The following MON2 variants were observed in gnomAD, a reference collection of about 807,000 sequenced individuals.
MON2 encodes the protein MON2 regulator of endosome-to-Golgi trafficking.
A neutral mutation model predicts 208.6 loss-of-function variants in MON2; 84 were observed. The observed-to-expected ratio is 0.40, with a 90% confidence interval of 0.34 to 0.48. The LOEUF (loss-of-function observed/expected upper bound fraction) is 0.48, where lower values mean the gene tolerates loss of function less well. Ranked by LOEUF, MON2 falls within the 20% of genes least tolerant of loss-of-function variation. The probability of loss-of-function intolerance (pLI) is 0.59; values close to 1 mark genes in which losing one functional copy is unlikely to be tolerated. For synonymous variants in MON2, 660 were observed against 694.0 expected (o/e 0.95, Z 0.77); for missense variants, 1,611 against 2,015.4 (o/e 0.80, Z 3.84).
intron 19 of MON2, among the ~76,000 whole-genome samples, chr12:62,538,907 A>T: frequency 6.6e-6 from 1 of 152,166 alleles, no homozygotes; most frequent in Non-Finnish European, 1.5e-5. Context: ...GATGGAAAGT[A>T]AGGAGCTAAT....
At chr12:62,482,226 T>C (rs1241584670) in intron 1 of MON2, 2 of 152,244 alleles carry the variant, frequency 1.3e-5, no homozygotes, top group Non-Finnish European at 2.9e-5. Context: ...TCAGTTTTAA[T>C]AATGGAAGAT....
rs1342921326 is a variant in MON2, at chr12:62,525,229, A to G, written c.1246+9A>G. Reference sequence around the variant, plus strand: ...AACAAGCAACCAAGCTGGTAAAAACATATTCATAATTTTGTTTCTTATATT... The same window carrying G: ...AACAAGCAACCAAGCTGGTAAAAACGTATTCATAATTTTGTTTCTTATATT... On this transcript the variant is annotated intron_variant, in intron 10 of 34. Coordinates refer to ENST00000393630, the MANE Select transcript of MON2 (RefSeq NM_015026.3). 1.2e-6 allele frequency: 2 copies of G among 1,612,328 alleles called. No individual in the cohort carries two copies. Among genetic ancestry groups the G allele is most frequent in the African/African-American group, 1.3e-5 (1 of 74,878 alleles).
At chr12:62,467,357 A>C in intron 1 of MON2, 39 bp downstream of exon 1, 1 of 1,515,546 alleles carries the variant, frequency 6.6e-7, no homozygotes, top group East Asian at 2.3e-5. Context: ...CACTGTGAGC[A>C]TGCCTGGTCC....
At chr12:62,533,424 C>T (rs761876546) in intron 12 of MON2, among the ~76,000 whole-genome samples, 17 of 152,094 alleles carry the variant, frequency 1.1e-4, no homozygotes, top group Non-Finnish European at 2.1e-4. Context: ...AAAAATTATT[C>T]ACTTATATTA....
chr12:62,532,883 C>T (rs990201070), intron 12 of MON2, among the ~76,000 whole-genome samples: 7 of 152,098 alleles, frequency 4.6e-5, no homozygotes, highest in Admixed American at 4.6e-4. Context: ...GTATTACTAC[C>T]CTTTAATGCA....
intron 1 of MON2, among the ~76,000 whole-genome samples, chr12:62,467,786 T>C (rs1489789467): frequency 2.0e-5 from 3 of 152,204 alleles, no homozygotes; most frequent in African/African-American, 7.2e-5. Context: ...TCCTTTGACG[T>C]GTTAATAAAC....
At position 62,495,019 on chromosome 12, in the gene MON2, G is replaced by T; in HGVS notation, c.307G>T (p.Ala103Ser). ...AATTAAAATAACTATTTTACAGACT[G>T]CAGCTGGAAATATAATTAACATGCT... ...LMSHEVVSETAAGNIINMLWQ... is the reference protein window; with the variant it reads ...LMSHEVVSETSAGNIINMLWQ... The change falls in exon 4 of 35, where the codon GCA (alanine) becomes TCA (serine). Residue 103 changes from alanine to serine, a missense_variant. By Grantham distance (99) the Ala-to-Ser change is moderately conservative. Transcript: ENST00000393630. 6.2e-7 allele frequency: 1 copy of T among 1,603,320 alleles called. No individual in the cohort carries two copies. The highest frequency in any genetic ancestry group is 8.5e-7 in the Non-Finnish European group (1 of 1,173,120).
intron 16 of MON2, among the ~76,000 whole-genome samples, 186 bp from the exon 17 acceptor site, chr12:62,537,910 T>C (rs11614822): frequency 1.3e-5 from 2 of 152,178 alleles, no homozygotes; most frequent in Non-Finnish European, 2.9e-5. Flanking sequence ...TAAGCTCTGC[T>C]GCATATGTTC....
At chr12:62,573,747 C>G (rs1460555862) in intron 30 of MON2, among the ~76,000 whole-genome samples, 1 of 151,712 alleles carries the variant, frequency 6.6e-6, no homozygotes, top group African/African-American at 2.4e-5. Flanking sequence ...ATATTCTTCA[C>G]TTTCTGGACT....
At chr12:62,468,279 C>G (rs1269891451) in intron 1 of MON2, among the ~76,000 whole-genome samples, 1 of 151,986 alleles carries the variant, frequency 6.6e-6, no homozygotes, top group Admixed American at 6.6e-5. Flanking sequence ...CAGATGATCC[C>G]CCTGCCTCGG....
intron 32 of MON2, among the ~76,000 whole-genome samples, chr12:62,583,005 CAATTTAAAAAA>C (rs1156342961): frequency 6.6e-6 from 1 of 151,990 alleles, no homozygotes; most frequent in Non-Finnish European, 1.5e-5. Flanking sequence ...GATAAAAGAA[CAATTTAAAAAA>C]TGCTACATAA....
chr12:62,591,085 C>G (rs1309943049), intron 34 of MON2, among the ~76,000 whole-genome samples: 1 of 152,206 alleles, frequency 6.6e-6, no homozygotes, highest in Non-Finnish European at 1.5e-5. Flanking sequence ...CTGGGACAAC[C>G]TAGACAGGTT....
chr12:62,478,431 C>T (rs10877857), intron 1 of MON2, among the ~76,000 whole-genome samples: 17,393 of 152,148 alleles, frequency 0.11, 1,272 homozygotes, highest in Middle Eastern at 0.25. Context: ...AAAAGATTTC[C>T]GTCACTGCTT....
chr12:62,535,462 A>G lies in MON2; in HGVS notation c.1716-63A>G, dbSNP rs998188123. 67 of 1,232,198 alleles carry G rather than the reference A, an allele frequency of 5.4e-5. No homozygotes were observed. In the Middle Eastern group the frequency reaches 6.1e-4, roughly 11 times the overall value. 76.3% of individuals were successfully genotyped at this position (1,232,198 alleles called of 1,614,324 possible). A position where few individuals can be genotyped will look rare whatever the true frequency, so the allele number is the denominator to read the frequency against. On this transcript the variant is annotated intron_variant, in intron 13 of 34. Coordinates refer to ENST00000393630, the MANE Select transcript of MON2 (RefSeq NM_015026.3). ...AATGTCACTGAATACTTAATTCCAC[A>G]TCATGCTTTACAATGTAATTAAAAA... is the stretch of plus-strand genomic sequence containing the variant.
At chr12:62,537,926 CATTA>C (rs753412391) in intron 16 of MON2, among the ~76,000 whole-genome samples, 166 bp from the exon 17 acceptor site, 1 of 152,170 alleles carries the variant, frequency 6.6e-6, no homozygotes, top group Non-Finnish European at 1.5e-5. Flanking sequence ...TGTTCGATAT[CATTA>C]ATTATTTTAT....
At chr12:62,576,439 T>C (rs965146975) in intron 30 of MON2, among the ~76,000 whole-genome samples, 1 of 152,108 alleles carries the variant, frequency 6.6e-6, no homozygotes, top group Non-Finnish European at 1.5e-5. Flanking sequence ...CACTAAATTG[T>C]ATATTTTAAA....
At chr12:62,521,223 A>T (rs921925634) in intron 8 of MON2, among the ~76,000 whole-genome samples, 1 of 152,092 alleles carries the variant, frequency 6.6e-6, no homozygotes, top group South Asian at 2.1e-4. Context: ...TGGCAAGGCT[A>T]GTTTTGAATT....
chr12:62,476,852 T>C (rs1293757085), intron 1 of MON2, among the ~76,000 whole-genome samples: 1 of 152,192 alleles, frequency 6.6e-6, no homozygotes, highest in Non-Finnish European at 1.5e-5. Flanking sequence ...GTGAAAAACA[T>C]TTGTTATTTA....
At position 62,501,677 on chromosome 12, in the gene MON2, T is replaced by G; in HGVS notation, c.768T>G (p.Asp256Glu). The G allele has an allele frequency of 6.2e-7, 1 of 1,614,164 alleles. No individual in the cohort carries two copies. The highest frequency in any genetic ancestry group is 8.5e-7 in the Non-Finnish European group (1 of 1,179,984). ...GLELLESVLN[D>E]FPQVFLQHQE... ...AATTACTTGAGTCAGTCCTCAATGA[T>G]TTTCCGCAGGTCTTTTTACAAGTAA... Residue 256 changes from aspartate to glutamate, a missense_variant, in exon 7 of 35, where the codon GAT becomes GAG. Coordinates refer to ENST00000393630, the MANE Select transcript of MON2 (RefSeq NM_015026.3).
Sources: gnomAD v4.1 joint callset for allele counts (sites outside exome capture counted in the v4.1 genomes callset) on GRCh38, gnomAD v4.1.1 for gene constraint, MANE v1.5 for transcripts, NCBI Gene and HGNC (gene_info 2026-07-23, HGNC 2026-07-21) for gene names.